The following ENPEP variants were observed in gnomAD, a reference collection of about 807,000 sequenced individuals.
ENPEP encodes the protein AP-A.
In ENPEP, 103 loss-of-function variants were observed where a neutral mutation model predicts 114.5. The ratio of observed to expected loss-of-function variants is 0.90; its 90% CI spans 0.77 to 1.06. ENPEP has a LOEUF of 1.06. ENPEP is among the 50% of genes least tolerant of loss of function. The probability of loss-of-function intolerance (pLI) is 0.00; values close to 1 mark genes in which losing one functional copy is unlikely to be tolerated. For missense variants in ENPEP, 1,196 were observed against 1,161.3 expected, an observed-to-expected ratio of 1.03 and a Z score of -0.43; for synonymous variants, 420 against 422.0, an observed-to-expected ratio of 1.00 and a Z score of 0.06.
intron 10 of ENPEP, among the ~76,000 whole-genome samples, chr4:110,526,299 C>G (rs1219397787): frequency 2.0e-5 from 3 of 151,950 alleles, no homozygotes; most frequent in Non-Finnish European, 4.4e-5. Context: ...AAACCCCCCG[C>G]CCCAAAACAG....
intron 6 of ENPEP, chr4:110,512,795 A>T (rs1725627216): frequency 6.6e-6 from 1 of 152,248 alleles, no homozygotes; most frequent in African/African-American, 2.4e-5. Flanking sequence ...TGGGTGAGGA[A>T]ACTTGCTTAA....
intron 10 of ENPEP, among the ~76,000 whole-genome samples, chr4:110,521,270 T>C (rs1196856291): frequency 6.6e-6 from 1 of 152,114 alleles, no homozygotes; most frequent in Non-Finnish European, 1.5e-5. Context: ...GTCAGGAGGC[T>C]GAGGCATGAA....
At chr4:110,555,006 AG>A (rs1483023285) in intron 18 of ENPEP, among the ~76,000 whole-genome samples, 1 of 152,064 alleles carries the variant, frequency 6.6e-6, no homozygotes, top group East Asian at 1.9e-4. Flanking sequence ...ATTAAGAAGT[AG>A]AAAAAAATAG....
At chr4:110,525,049 A>C (rs1185772261) in intron 10 of ENPEP, among the ~76,000 whole-genome samples, 2 of 152,212 alleles carry the variant, frequency 1.3e-5, no homozygotes, top group Non-Finnish European at 2.9e-5. Context: ...ATCGCAGATG[A>C]CCTCAAATTT....
At chr4:110,509,928 A>C in intron 5 of ENPEP, 121 bp downstream of exon 5, 1 of 1,325,298 alleles carries the variant, frequency 7.5e-7, no homozygotes, top group Non-Finnish European at 1.0e-6. Flanking sequence ...ACTTGCATGA[A>C]AATCTTTCTT....
intron 1 of ENPEP, among the ~76,000 whole-genome samples, chr4:110,488,242 T>A (rs1724572215): frequency 6.6e-6 from 1 of 152,228 alleles, no homozygotes; most frequent in Non-Finnish European, 1.5e-5. Context: ...CACAGAGTTT[T>A]AGTTATGGCA....
At chr4:110,544,267 A>G (rs1350319554) in intron 13 of ENPEP, among the ~76,000 whole-genome samples, 1 of 152,092 alleles carries the variant, frequency 6.6e-6, no homozygotes, top group Non-Finnish European at 1.5e-5. Context: ...TGAGGAATAA[A>G]TGAGATAATG....
chr4:110,478,598 A>G (rs944998314), intron 1 of ENPEP, among the ~76,000 whole-genome samples: 1 of 152,076 alleles, frequency 6.6e-6, no homozygotes, highest in Admixed American at 6.5e-5. Flanking sequence ...ACATGTTTTC[A>G]AGAATCTGTT....
At chr4:110,558,183 G>T (rs1192304418) in intron 18 of ENPEP, among the ~76,000 whole-genome samples, 2 of 148,186 alleles carry the variant, frequency 1.3e-5, no homozygotes, top group Admixed American at 6.7e-5. Context: ...TTTTTAATTT[G>T]CATAAAACAA....
intron 1 of ENPEP, among the ~76,000 whole-genome samples, chr4:110,480,213 G>C (rs1724258790): frequency 6.6e-6 from 1 of 152,216 alleles, no homozygotes; most frequent in African/African-American, 2.4e-5. Context: ...CACACACATG[G>C]TTTTGGAACA....
intron 3 of ENPEP, among the ~76,000 whole-genome samples, chr4:110,504,986 A>G (rs1042670126): frequency 6.6e-6 from 1 of 152,248 alleles, no homozygotes; most frequent in African/African-American, 2.4e-5. Flanking sequence ...GCGGGTCAAG[A>G]GGACTGCCCT....
intron 11 of ENPEP, among the ~76,000 whole-genome samples, chr4:110,541,560 C>T (rs1391402636): frequency 1.3e-5 from 2 of 152,096 alleles, no homozygotes; most frequent in Admixed American, 6.6e-5. Flanking sequence ...GTCTTCTTGT[C>T]GCTAGAATCG....
intron 19 of ENPEP, 109 bp from the exon 20 acceptor site, chr4:110,561,297 G>T: frequency 8.8e-7 from 1 of 1,131,446 alleles, no homozygotes. Flanking sequence ...GTTGTGCAGT[G>T]ATACTGAATT....
intron 18 of ENPEP, among the ~76,000 whole-genome samples, chr4:110,555,903 G>A (rs941716552): frequency 6.6e-6 from 1 of 151,810 alleles, no homozygotes; most frequent in Non-Finnish European, 1.5e-5. Flanking sequence ...TAAGCATGCA[G>A]TATATTTTCC....
At chr4:110,522,071 G>A (rs1388570049) in intron 10 of ENPEP, among the ~76,000 whole-genome samples, 4 of 152,056 alleles carry the variant, frequency 2.6e-5, no homozygotes, top group Admixed American at 2.6e-4. Flanking sequence ...TGAAGGCGGA[G>A]TTTCACCGAG....
chr4:110,476,916 T>C lies in ENPEP; in HGVS notation c.502T>C (p.Tyr168His), dbSNP rs1486206440. ...GTGTTTCGAGTACAAAAAGCAGGAG[T>C]ACGTGGTGGTCGAGGCGGAGGAAGA... ...RRCFEYKKQE[Y>H]VVVEAEEELT... The change falls in exon 1 of 20, where the codon TAC (tyrosine) becomes CAC (histidine). Residue 168 changes from tyrosine (Y) to histidine (H), a missense_variant. Transcript: ENST00000265162. 1 of 1,613,704 alleles carries C rather than the reference T, an allele frequency of 6.2e-7. No homozygotes were observed. Among genetic ancestry groups the C allele is most frequent in the Non-Finnish European group, 8.5e-7 (1 of 1,179,958 alleles).
At chr4:110,535,241 G>A (rs1367061550) in intron 11 of ENPEP, among the ~76,000 whole-genome samples, 1 of 152,146 alleles carries the variant, frequency 6.6e-6, no homozygotes, top group African/African-American at 2.4e-5. Context: ...TACAATAGCT[G>A]TTTTTGCAAC....
At chr4:110,507,692 T>A (rs1725421705) in intron 4 of ENPEP, among the ~76,000 whole-genome samples, 1 of 152,226 alleles carries the variant, frequency 6.6e-6, no homozygotes, top group Non-Finnish European at 1.5e-5. Flanking sequence ...ATCAGAATAT[T>A]GGGCCAGGTG....
chr4:110,553,645 T>C, intron 18 of ENPEP, 190 bp downstream of exon 18: 1 of 438,454 alleles, frequency 2.3e-6, no homozygotes, highest in African/African-American at 2.0e-5. Flanking sequence ...AATTTTTTTC[T>C]GGAAATTATT....
Sources: gnomAD v4.1 joint callset for allele counts (sites outside exome capture counted in the v4.1 genomes callset) on GRCh38, gnomAD v4.1.1 for gene constraint, MANE v1.5 for transcripts, NCBI Gene and HGNC (gene_info 2026-07-23, HGNC 2026-07-21) for gene names.